GSPT1: variants seen among roughly 807,000 people sequenced by gnomAD.
The protein encoded by GSPT1 is eukaryotic peptide chain release factor GTP-binding subunit ERF3A.
Under a neutral mutation model 72.5 loss-of-function variants are expected in GSPT1, and 20 were observed. The ratio of observed to expected loss-of-function variants is 0.28; its 90% CI spans 0.19 to 0.40. GSPT1 has a LOEUF of 0.40. Ranked by LOEUF, GSPT1 falls within the 10% of genes least tolerant of loss-of-function variation. The probability of loss-of-function intolerance (pLI) is 1.00; values close to 1 mark genes in which losing one functional copy is unlikely to be tolerated. For missense variants in GSPT1, 580 were observed against 811.9 expected, an observed-to-expected ratio of 0.71 and a Z score of 3.47; for synonymous variants, 334 against 293.5, an observed-to-expected ratio of 1.14 and a Z score of -1.41.
chr16:11,886,006 A>G (rs1043623780), intron 9 of GSPT1, among the ~76,000 whole-genome samples: 6 of 152,270 alleles, frequency 3.9e-5, no homozygotes, highest in Non-Finnish European at 7.3e-5. Context: ...TAGTCTTTTC[A>G]ACAAATTGTG....
chr16:11,913,390 C>A (rs754542607), intron 1 of GSPT1, among the ~76,000 whole-genome samples: 1 of 152,212 alleles, frequency 6.6e-6, no homozygotes, highest in Non-Finnish European at 1.5e-5. Flanking sequence ...GTTGACCATG[C>A]TGTACGGATT....
At chr16:11,873,306 C>T in intron 14 of GSPT1, 135 bp from the exon 15 acceptor site, 1 of 550,200 alleles carries the variant, frequency 1.8e-6, no homozygotes, top group Non-Finnish European at 3.3e-6. Flanking sequence ...ACTGCCAAAC[C>T]CATGATACTT....
rs2053992431 is a variant in GSPT1 at position 11,872,730 on chromosome 16, C to A, written c.*389G>T. The A allele has an allele frequency of 6.0e-6, 1 of 168,024 alleles. No individual in the cohort carries two copies. The highest frequency in any genetic ancestry group is 2.4e-5 in the African/African-American group (1 of 42,130). The allele number at this position is 168,024 out of a possible 1,614,324, so 10.4% of individuals were successfully genotyped here. ...GGTAGTTGCCTTTGTAACATGTGCA[C>A]ACACACTCGCACACTCAGAATGATC... On this transcript the variant is annotated 3_prime_UTR_variant, in exon 15 of 15. Transcript: ENST00000434724.
intron 14 of GSPT1, among the ~76,000 whole-genome samples, chr16:11,873,768 T>C (rs1320646060): frequency 6.6e-6 from 1 of 152,014 alleles, no homozygotes; most frequent in Non-Finnish European, 1.5e-5. Context: ...TTTATATTTT[T>C]AGTAGAGGCA....
intron 5 of GSPT1, among the ~76,000 whole-genome samples, chr16:11,892,281 T>A (rs935478214): frequency 4.6e-5 from 7 of 151,052 alleles, no homozygotes; most frequent in Non-Finnish European, 1.0e-4. Flanking sequence ...AGTGTGAGGT[T>A]ACAGTAAGCT....
rs145953219 is a variant in GSPT1, at chr16:11,869,634, C to T, written c.*3485G>A. On this transcript the variant is annotated 3_prime_UTR_variant, in exon 15 of 15. Coordinates refer to ENST00000434724, the MANE Select transcript of GSPT1 (RefSeq NM_002094.4). ...ACCTGTAATAAAACTGCGTATTTTC[C>T]CCTTGACTACCTTAAATCCCTACCC... 1 of 152,156 alleles carries T rather than the reference C, an allele frequency of 6.6e-6. No homozygotes were observed. Among genetic ancestry groups the T allele is most frequent in the Non-Finnish European group, 1.5e-5 (1 of 68,048 alleles). 9.4% of individuals were successfully genotyped at this position (152,156 alleles called of 1,614,324 possible).
At chr16:11,891,482 C>T (rs985061188) in intron 5 of GSPT1, among the ~76,000 whole-genome samples, 4 of 151,568 alleles carry the variant, frequency 2.6e-5, no homozygotes, top group Admixed American at 2.0e-4. Flanking sequence ...CTGCCTCAGC[C>T]TCCTGAGTAG....
In GSPT1 at chr16:11,900,842, TG is replaced by T. The variant is rs1245900492; in HGVS notation, c.353-2808del. On this transcript the variant is annotated intron_variant, in intron 1 of 14. Coordinates refer to ENST00000434724, the MANE Select transcript of GSPT1 (RefSeq NM_002094.4). Reference sequence around the variant, plus strand: ...CCAACTATTAGATTTACAATACAGATGGCTCCTCAACTTACAATGGATTGTA... The same window carrying T: ...CCAACTATTAGATTTACAATACAGATGCTCCTCAACTTACAATGGATTGTA... Among the ~76,000 whole-genome samples, 82 of 152,232 alleles carry T rather than the reference TG, an allele frequency of 5.4e-4. No individual in the cohort carries two copies. The East Asian group carries it at 0.012, about 22-fold the overall frequency.
chr16:11,875,829 G>A lies in GSPT1; in HGVS notation c.1793C>T (p.Ala598Val), dbSNP rs2054040820. 6.2e-7 allele frequency: 1 copy of A among 1,613,582 alleles called. No homozygotes were observed. Among genetic ancestry groups the A allele is most frequent in the African/African-American group, 1.3e-5 (1 of 74,872 alleles). Residue 598 changes from alanine to valine, a missense_variant, in exon 14 of 15, where the codon GCA (alanine) becomes GTA (valine). Physicochemically the swap from Ala to Val is moderately conservative, Grantham distance 64. Transcript: ENST00000434724. ...DQVCIARLRT[A>V]GTICLETFKD... ...AAAGGTCTCAAGGCAGATGGTTCCT[G>A]CTGTCCTTAAGCGAGCAATGCATAC...
At chr16:11,895,049 AAAC>A (rs2141299546) in intron 4 of GSPT1, 62 bp from the exon 5 acceptor site, 2 of 950,878 alleles carry the variant, frequency 2.1e-6, no homozygotes, top group Admixed American at 2.0e-5. Flanking sequence ...CTAAATATGC[AAAC>A]AACAGCACCC....
At chr16:11,873,241 T>C in intron 14 of GSPT1, 70 bp from the exon 15 acceptor site, 1 of 738,304 alleles carries the variant, frequency 1.4e-6, no homozygotes, top group South Asian at 1.7e-5. Flanking sequence ...TAAAACTTAT[T>C]ATTTTAAATC....
At chr16:11,882,023 C>T (rs1246722161) in intron 11 of GSPT1, 15 of 152,320 alleles carry the variant, frequency 9.8e-5, no homozygotes, top group Admixed American at 9.8e-4. Flanking sequence ...TGGCTCAAGC[C>T]TGTAATCCCA....
chr16:11,888,651 A>G (rs952457526), intron 6 of GSPT1, among the ~76,000 whole-genome samples: 2 of 151,914 alleles, frequency 1.3e-5, no homozygotes, highest in Non-Finnish European at 1.5e-5. Context: ...AGTCCCAGCT[A>G]CTCGGGAGGC....
intron 1 of GSPT1, among the ~76,000 whole-genome samples, chr16:11,903,719 A>G (rs538500933): frequency 1.6e-4 from 25 of 152,334 alleles, no homozygotes; most frequent in Admixed American, 1.4e-3. Context: ...TTAGAACTAC[A>G]TAGAATTGCT....
chr16:11,894,839 A>G, intron 5 of GSPT1, 115 bp downstream of exon 5: 1 of 647,260 alleles, frequency 1.5e-6, no homozygotes, highest in Non-Finnish European at 2.8e-6. Context: ...TTTATTTTTA[A>G]TTTTTCTTTG....
chr16:11,874,454 C>CTTTTT (rs200991035), intron 14 of GSPT1, among the ~76,000 whole-genome samples: 51 of 95,904 alleles, frequency 5.3e-4, no homozygotes, highest in East Asian at 2.2e-3. Context: ...GCCAAGTTAG[C>CTTTTT]TTTTTTTTTT....
At chr16:11,910,106 A>G (rs763151612) in intron 1 of GSPT1, among the ~76,000 whole-genome samples, 5 of 152,200 alleles carry the variant, frequency 3.3e-5, no homozygotes, top group Non-Finnish European at 7.3e-5. Flanking sequence ...CTAAAAAATA[A>G]TAAGTAAAAA....
intron 11 of GSPT1, chr16:11,882,235 G>A (rs924955544): frequency 2.6e-5 from 4 of 152,350 alleles, no homozygotes; most frequent in African/African-American, 4.8e-5. Context: ...GCGACAGGGT[G>A]AGACTCCATC....
At chr16:11,892,446 C>G (rs1466094180) in intron 5 of GSPT1, among the ~76,000 whole-genome samples, 1 of 143,762 alleles carries the variant, frequency 7.0e-6, no homozygotes, top group East Asian at 2.2e-4. Context: ...GAGGTTGAGG[C>G]TGCAGTGAGC....
Sources: gnomAD v4.1 joint callset for allele counts (sites outside exome capture counted in the v4.1 genomes callset) on GRCh38, gnomAD v4.1.1 for gene constraint, MANE v1.5 for transcripts, NCBI Gene and HGNC (gene_info 2026-07-23, HGNC 2026-07-21) for gene names.